The following XRN2 variants were observed in gnomAD, a reference collection of about 807,000 sequenced individuals.
XRN2 encodes the protein DHM1-like protein.
XRN2 carries 44 observed loss-of-function variants against 138.5 expected under a neutral mutation model. The ratio of observed to expected loss-of-function variants is 0.32; its 90% CI spans 0.25 to 0.41. The LOEUF is 0.41. XRN2 is among the 10% of genes least tolerant of loss of function. The probability of loss-of-function intolerance (pLI) is 1.00; values close to 1 mark genes in which losing one functional copy is unlikely to be tolerated. For missense variants in XRN2, 937 were observed against 1,169.3 expected (o/e 0.80, Z 2.90); for synonymous variants, 354 against 369.4 (o/e 0.96, Z 0.48).
chr20:21,382,127 G>T, intron 28 of XRN2, 70 bp downstream of exon 28: 1 of 1,335,796 alleles, frequency 7.5e-7, no homozygotes, highest in Non-Finnish European at 1.0e-6. Context: ...TGGTTTTTAT[G>T]GAAGCTAAAA....
rs1264880467 is a variant in XRN2 at position 21,326,413 on chromosome 20, A to G, written c.203+7A>G. The G allele has an allele frequency of 6.2e-7, 1 of 1,613,636 alleles. No individual in the cohort carries two copies. The highest frequency in any genetic ancestry group is 8.5e-7 in the Non-Finnish European group (1 of 1,179,772). On this transcript the variant is annotated splice_region_variant and intron_variant, in intron 2 of 29. Transcript: ENST00000377191. ...GTACTCATCCTGAAGACAAGTACGT[A>G]ACCCATTTTTGTCACTGATATAGCA...
Position 21,379,841 on chromosome 20 carries a change from A to G in XRN2, c.2585-2153A>G, listed in dbSNP as rs559637562. Among the ~76,000 whole-genome samples, 215 of 152,332 alleles carry G rather than the reference A, an allele frequency of 1.4e-3. 1 individual carries two copies. Among genetic ancestry groups the G allele is most frequent in the Non-Finnish European group, 2.0e-3 (137 of 68,028 alleles). On this transcript the variant is annotated intron_variant, in intron 27 of 29. Coordinates refer to ENST00000377191, the MANE Select transcript of XRN2 (RefSeq NM_012255.5). ...TGTTTGAGTCTAATGAATATATATT[A>G]TGGGTGGTGATGGCTTCATCTCCAT...
chr20:21,304,744 C>G (rs2037792028), intron 1 of XRN2, among the ~76,000 whole-genome samples: 1 of 152,146 alleles, frequency 6.6e-6, no homozygotes. Context: ...AGCTTTATAA[C>G]TAAGTAATTT....
chr20:21,371,210 A>T (rs915876456), intron 27 of XRN2, among the ~76,000 whole-genome samples: 1 of 152,226 alleles, frequency 6.6e-6, no homozygotes, highest in African/African-American at 2.4e-5. Context: ...ATGCTAGTTA[A>T]GTTACACACC....
intron 26 of XRN2, among the ~76,000 whole-genome samples, chr20:21,367,960 A>G (rs1357473221): frequency 6.6e-6 from 1 of 152,196 alleles, no homozygotes; most frequent in Non-Finnish European, 1.5e-5. Context: ...ATTGTATTGT[A>G]ATCTATACTA....
intron 4 of XRN2, among the ~76,000 whole-genome samples, chr20:21,329,856 GGTGTGT>G (rs60020864): frequency 0.2 from 29,747 of 145,660 alleles, 3,897 homozygotes; most frequent in African/African-American, 0.37. Flanking sequence ...GCCTCTAACT[GGTGTGT>G]GTGTGTGTGT....
rs748061372 is a variant in XRN2 at position 21,348,190 on chromosome 20, A to T, written c.1710A>T (p.Pro570=). 6.2e-7 allele frequency: 1 copy of T among 1,614,038 alleles called. No homozygotes were observed. Among genetic ancestry groups the T allele is most frequent in the African/African-American group, 1.3e-5 (1 of 75,036 alleles). ...GGTATTATCCATTTCATTATGCACCATTTGCTTCAGACTTTGAAGGCATTG... is the reference window on the plus strand; with the variant it reads ...GGTATTATCCATTTCATTATGCACCTTTTGCTTCAGACTTTGAAGGCATTG... ...WKWYYPFHYA[P]FASDFEGIAD... Residue 570 remains proline (P), a synonymous_variant, in exon 18 of 30, where the codon CCA becomes CCT. Transcript: ENST00000377191.
intron 13 of XRN2, among the ~76,000 whole-genome samples, chr20:21,335,240 T>A (rs561719509): frequency 6.6e-6 from 1 of 152,100 alleles, no homozygotes; most frequent in Non-Finnish European, 1.5e-5. Flanking sequence ...TGGAGGGTGA[T>A]TGCAGGGTGT....
intron 15 of XRN2, among the ~76,000 whole-genome samples, chr20:21,342,973 A>G (rs904562781): frequency 1.3e-5 from 2 of 152,154 alleles, no homozygotes; most frequent in African/African-American, 4.8e-5. Context: ...TTTCATTAAT[A>G]ACATTGACAT....
At chr20:21,354,953 C>A in intron 21 of XRN2, 81 bp downstream of exon 21, 1 of 1,136,502 alleles carries the variant, frequency 8.8e-7, no homozygotes, top group Non-Finnish European at 1.2e-6. Context: ...CCTTCCTTCT[C>A]CTGTTTGTCA....
At chr20:21,372,210 C>T (rs989360193) in intron 27 of XRN2, among the ~76,000 whole-genome samples, 6 of 152,150 alleles carry the variant, frequency 3.9e-5, no homozygotes, top group Non-Finnish European at 4.4e-5. Context: ...ACTCTAATGA[C>T]ATTTAACATC....
intron 1 of XRN2, among the ~76,000 whole-genome samples, chr20:21,308,532 C>T (rs1295760493): frequency 1.3e-5 from 2 of 152,036 alleles, no homozygotes; most frequent in African/African-American, 2.4e-5. Context: ...TATAGTTAGC[C>T]CTTTTAGTTT....
chr20:21,316,544 G>GTTCTT (rs909598424), intron 1 of XRN2, among the ~76,000 whole-genome samples: 1 of 152,108 alleles, frequency 6.6e-6, no homozygotes, highest in Non-Finnish European at 1.5e-5. Flanking sequence ...GTTGAAGACT[G>GTTCTT]TTCTTTTCCC....
chr20:21,319,687 A>G (rs2038010977), intron 1 of XRN2, among the ~76,000 whole-genome samples: 1 of 152,084 alleles, frequency 6.6e-6, no homozygotes, highest in South Asian at 2.1e-4. Context: ...ATTGAACTTT[A>G]CTGCTATATA....
At chr20:21,356,758 AG>A in intron 23 of XRN2, 93 bp downstream of exon 23, 1 of 1,076,254 alleles carries the variant, frequency 9.3e-7, no homozygotes, top group Non-Finnish European at 1.3e-6. Flanking sequence ...TTCTAATAAT[AG>A]TGAGAAAATT....
chr20:21,355,830 T>G (rs899347270), intron 21 of XRN2, among the ~76,000 whole-genome samples: 5 of 152,172 alleles, frequency 3.3e-5, no homozygotes, highest in African/African-American at 1.2e-4. Flanking sequence ...ATTTATCTTT[T>G]CTTTGTGTTG....
Position 21,326,326 on chromosome 20 carries a change from T to A in XRN2, c.123T>A (p.Pro41=), listed in dbSNP as rs756791504. 6.2e-7 allele frequency: 1 copy of A among 1,613,688 alleles called. No homozygotes were observed. The highest frequency in any genetic ancestry group is 8.5e-7 in the Non-Finnish European group (1 of 1,179,814). The change falls in exon 2 of 30, where the codon CCT becomes CCA. Residue 41 remains proline (P), a synonymous_variant. Coordinates refer to ENST00000377191, the MANE Select transcript of XRN2 (RefSeq NM_012255.5). ...AGATTCCAGTTGATGCCAGTAAACC[T>A]AATCCAAATGATGTGGAGTTTGATA... ...GVKIPVDASK[P]NPNDVEFDNL...
intron 4 of XRN2, among the ~76,000 whole-genome samples, chr20:21,329,835 CA>C (rs11477333): frequency 0.68 from 102,900 of 150,254 alleles, 35,793 homozygotes; most frequent in South Asian, 0.84. Flanking sequence ...GAACTGTTAT[CA>C]AAAAATATGG....
At chr20:21,331,848 T>C in intron 8 of XRN2, 30 bp downstream of exon 8, 1 of 1,609,828 alleles carries the variant, frequency 6.2e-7, no homozygotes, top group Non-Finnish European at 8.5e-7. Flanking sequence ...TTTGCTTCTT[T>C]TGGATTAAAC....
Sources: gnomAD v4.1 joint callset for allele counts (sites outside exome capture counted in the v4.1 genomes callset) on GRCh38, gnomAD v4.1.1 for gene constraint, MANE v1.5 for transcripts, NCBI Gene and HGNC (gene_info 2026-07-23, HGNC 2026-07-21) for gene names.